PDGFD: variants seen among roughly 807,000 people sequenced by gnomAD.
PDGFD encodes platelet derived growth factor D.
A neutral mutation model predicts 44.7 loss-of-function variants in PDGFD; 30 were observed. The observed-to-expected ratio is 0.67, with a 90% CI of 0.50 to 0.91. The LOEUF (loss-of-function observed/expected upper bound fraction) is 0.91, where lower values mean the gene tolerates loss of function less well. Ranked by LOEUF, PDGFD falls within the 40% of genes least tolerant of loss-of-function variation. The pLI is 0.00. For missense variants in PDGFD, 445 were observed against 457.8 expected, an observed-to-expected ratio of 0.97 and a Z score of 0.25; for synonymous variants, 173 against 168.4, an observed-to-expected ratio of 1.03 and a Z score of -0.21.
intron 1 of PDGFD, among the ~76,000 whole-genome samples, chr11:104,049,244 C>T (rs985639428): frequency 1.3e-5 from 2 of 152,094 alleles, no homozygotes; most frequent in African/African-American, 4.8e-5. Context: ...GGGAAGGTTT[C>T]TGTGAGGAAG....
At chr11:103,952,943 G>A (rs1050880351) in intron 3 of PDGFD, among the ~76,000 whole-genome samples, 1 of 152,118 alleles carries the variant, frequency 6.6e-6, no homozygotes, top group African/African-American at 2.4e-5. Flanking sequence ...TTTCTAAATA[G>A]TTTAGGATGC....
chr11:104,038,030 G>A (rs1169937262), intron 1 of PDGFD: 2 of 1,598,244 alleles, frequency 1.3e-6, no homozygotes, highest in Non-Finnish European at 1.7e-6. Context: ...TTATAAATAT[G>A]TTACCACCTT....
intron 1 of PDGFD, among the ~76,000 whole-genome samples, chr11:104,144,507 CAAAAAAAA>C (rs201864924): frequency 1.4e-5 from 1 of 73,810 alleles, no homozygotes; most frequent in African/African-American, 6.3e-5. Context: ...ACTCCGTCAC[CAAAAAAAA>C]AAAAAAAAAA....
intron 1 of PDGFD, among the ~76,000 whole-genome samples, chr11:104,086,001 C>T (rs1861124669): frequency 6.6e-6 from 1 of 152,092 alleles, no homozygotes. Context: ...GGGAAGGAAG[C>T]CCACTGTGGA....
chr11:104,079,679 G>A (rs572551451), intron 1 of PDGFD, among the ~76,000 whole-genome samples: 99 of 152,214 alleles, frequency 6.5e-4, no homozygotes, highest in South Asian at 1.0e-3. Context: ...GAGCCACCGC[G>A]CCTGGCCAGA....
At chr11:104,137,437 T>C (rs1285592489) in intron 1 of PDGFD, among the ~76,000 whole-genome samples, 1 of 152,052 alleles carries the variant, frequency 6.6e-6, no homozygotes, top group African/African-American at 2.4e-5. Flanking sequence ...TGGGATATAT[T>C]GACCAAAGCT....
chr11:104,061,907 C>A (rs917077812), intron 1 of PDGFD, among the ~76,000 whole-genome samples: 1 of 152,112 alleles, frequency 6.6e-6, no homozygotes, highest in African/African-American at 2.4e-5. Flanking sequence ...CATGCCTGGC[C>A]GTTTCTGGTG....
chr11:104,044,344 T>C (rs1860405899), intron 1 of PDGFD, among the ~76,000 whole-genome samples: 1 of 152,176 alleles, frequency 6.6e-6, no homozygotes, highest in Admixed American at 6.5e-5. Flanking sequence ...ATGGTTGCCT[T>C]AGTGCTTTAT....
chr11:104,124,250 G>A (rs2134465877), intron 1 of PDGFD, among the ~76,000 whole-genome samples: 1 of 152,124 alleles, frequency 6.6e-6, no homozygotes, highest in South Asian at 2.1e-4. Flanking sequence ...AGGGAGGAAA[G>A]GCTGCATATG....
intron 1 of PDGFD, chr11:104,037,626 G>A (rs115891405): frequency 1.5e-5 from 24 of 1,614,138 alleles, no homozygotes; most frequent in Non-Finnish European, 1.9e-5. Context: ...TGACCATTAT[G>A]AGCCAGGCTT....
At chr11:104,128,155 TCTACC>T (rs1482240294) in intron 1 of PDGFD, among the ~76,000 whole-genome samples, 7 of 120,146 alleles carry the variant, frequency 5.8e-5, no homozygotes, top group African/African-American at 2.3e-4. Context: ...AAGTGTTAAA[TCTACC>T]CTGGACCACC....
At chr11:104,063,258 A>C (rs577494969) in intron 1 of PDGFD, among the ~76,000 whole-genome samples, 38 of 152,114 alleles carry the variant, frequency 2.5e-4, no homozygotes, top group African/African-American at 8.7e-4. Context: ...GGAAATCTCT[A>C]TAAGAGTCCT....
At chr11:104,037,674 A>G in intron 1 of PDGFD, 1 of 1,614,106 alleles carries the variant, frequency 6.2e-7, no homozygotes, top group Non-Finnish European at 8.5e-7. Context: ...TGGTGGACCG[A>G]CGGTGGGCTG....
chr11:104,042,566 T>C (rs1405107301), intron 1 of PDGFD, among the ~76,000 whole-genome samples: 2 of 152,238 alleles, frequency 1.3e-5, no homozygotes, highest in Admixed American at 6.5e-5. Context: ...GTAAGGATCA[T>C]TTTTAGAGCA....
intron 3 of PDGFD, among the ~76,000 whole-genome samples, chr11:103,983,828 G>C (rs1472670106): frequency 6.6e-6 from 1 of 150,808 alleles, no homozygotes; most frequent in African/African-American, 2.4e-5. Context: ...GATCATTAGA[G>C]AGATGCAAAT....
rs1464990584 is a variant in PDGFD at position 104,023,267 on chromosome 11, T to C, written c.125-23012A>G. Among the ~76,000 whole-genome samples the C allele has an allele frequency of 2.0e-5, 3 of 152,282 alleles. No individual in the cohort carries two copies. In the East Asian group the frequency reaches 5.8e-4, roughly 29 times the overall value. On this transcript the variant is annotated intron_variant, in intron 1 of 6. Transcript: ENST00000393158. ...GTCTGAACAGTATTTTACTTACATC[T>C]TTCTGAACTACAAACTTCTTTGCTC...
In PDGFD at chr11:104,000,068, T is replaced by G. The variant is rs1859597427; in HGVS notation, c.312A>C (p.Ala104=). The change falls in exon 2 of 7, where the codon GCA becomes GCC. Residue 104 remains alanine, a synonymous_variant. Coordinates refer to ENST00000393158, the MANE Select transcript of PDGFD (RefSeq NM_025208.5). ...VFDNQFGLEE[A]ENDICRYDFV... is the part of the protein sequence containing the mutation. ...CAACTTACCTACAGATATCATTTTC[T>G]GCTTCCTCTAATCCAAACTGATTGT... is the stretch of plus-strand genomic sequence containing the variant. The G allele has an allele frequency of 8.1e-6, 13 of 1,614,120 alleles. No individual in the cohort carries two copies. The highest frequency in any genetic ancestry group is 1.1e-5 in the Non-Finnish European group (13 of 1,179,970).
chr11:104,069,985 T>C (rs1306349956), intron 1 of PDGFD, among the ~76,000 whole-genome samples: 1 of 152,224 alleles, frequency 6.6e-6, no homozygotes, highest in Non-Finnish European at 1.5e-5. Context: ...TCCAGTATCA[T>C]AATTGTTGAT....
intron 1 of PDGFD, chr11:104,036,869 C>T (rs767135520): frequency 1.2e-6 from 2 of 1,614,136 alleles, no homozygotes; most frequent in Non-Finnish European, 8.5e-7. Flanking sequence ...TCCGAGGTCA[C>T]CTTCTCTCTC....
Sources: gnomAD v4.1 joint callset for allele counts (sites outside exome capture counted in the v4.1 genomes callset) on GRCh38, gnomAD v4.1.1 for gene constraint, MANE v1.5 for transcripts, NCBI Gene and HGNC (gene_info 2026-07-23, HGNC 2026-07-21) for gene names.